The following OR4E1 variants were observed in gnomAD, a reference collection of about 807,000 sequenced individuals.
The protein encoded by OR4E1 is olfactory receptor family 4 subfamily E member 1.
intron 1 of OR4E1, among the ~76,000 whole-genome samples, chr14:21,672,409 C>T (rs1881003496): frequency 6.6e-6 from 1 of 152,204 alleles, no homozygotes; most frequent in South Asian, 2.1e-4. Flanking sequence ...CTTCAGTTAA[C>T]ACTTAAAAAT....
At chr14:21,671,940 A>C (rs1296877929) in intron 1 of OR4E1, among the ~76,000 whole-genome samples, 1 of 152,080 alleles carries the variant, frequency 6.6e-6, no homozygotes, top group Non-Finnish European at 1.5e-5. Context: ...CCAAGGTTAC[A>C]CGGAACTGGA....
In OR4E1 at chr14:21,670,133, C is replaced by A; in HGVS notation, c.803G>T (p.Ser268Ile). Reference protein sequence around the residue: ...CIFIYSRPSTSLPEDKVVSVF... With the variant: ...CIFIYSRPSTILPEDKVVSVF... ...AGATACTACCTTGTCCTCTGGGAGGCTGGTGGATGGGCGGGAATAGATGAA... is the reference window on the plus strand; with the variant it reads ...AGATACTACCTTGTCCTCTGGGAGGATGGTGGATGGGCGGGAATAGATGAA... Residue 268 changes from serine to isoleucine, a missense_variant, in exon 2 of 2, where the codon AGC (serine) becomes ATC (isoleucine). By Grantham distance (142) the Ser-to-Ile change is moderately radical. Coordinates refer to ENST00000641792, the MANE Select transcript of OR4E1 (RefSeq NM_001317107.2). 1 of 398,740 alleles carries A rather than the reference C, an allele frequency of 2.5e-6. No individual in the cohort carries two copies. The highest frequency in any genetic ancestry group is 4.4e-6 in the Non-Finnish European group (1 of 226,288). 24.7% of individuals were successfully genotyped at this position (398,740 alleles called of 1,614,324 possible).
intron 1 of OR4E1, among the ~76,000 whole-genome samples, chr14:21,671,931 C>T (rs751568583): frequency 1.3e-5 from 2 of 151,918 alleles, no homozygotes; most frequent in Non-Finnish European, 2.9e-5. Context: ...TCAACTGGTC[C>T]AAGGTTACAC....
chr14:21,669,726 C>T lies in OR4E1; in HGVS notation c.*262G>A, dbSNP rs1010209338. ...CTTTGGGCATGTTATTTACTCTCCT[C>T]GAGCTTTAGTTTCTTCATGTACAAA... On this transcript the variant is annotated 3_prime_UTR_variant, in exon 2 of 2. Coordinates refer to ENST00000641792, the MANE Select transcript of OR4E1 (RefSeq NM_001317107.2). The T allele has an allele frequency of 4.3e-6, 1 of 230,488 alleles. No homozygotes were observed. 14.3% of individuals were successfully genotyped at this position (230,488 alleles called of 1,614,324 possible).
rs12897485 is a variant in OR4E1, at chr14:21,668,597, T to C, written c.*1391A>G. 0.31 allele frequency: 46,969 copies of C among 151,898 alleles called. 7,904 individuals carry two copies. The highest frequency in any genetic ancestry group is 0.39 in the African/African-American group (16,205 of 41,384). 9.4% of individuals were successfully genotyped at this position (151,898 alleles called of 1,614,324 possible). On this transcript the variant is annotated 3_prime_UTR_variant, in exon 2 of 2. Coordinates refer to ENST00000641792, the MANE Select transcript of OR4E1 (RefSeq NM_001317107.2). ...GATATCCTCTTCATATCCCAGTTGA[T>C]TCACCACATTCCATTCTGCTACACT...
chr14:21,670,550 G>A lies in OR4E1; in HGVS notation c.386C>T (p.Ala129Val), dbSNP rs908729552. The A allele has an allele frequency of 1.7e-5, 7 of 400,902 alleles. No homozygotes were observed. The East Asian group carries it at 2.5e-4, about 14-fold the overall frequency. The allele number at this position is 400,902 out of a possible 1,614,324, so 24.8% of individuals were successfully genotyped here. A position where few individuals can be genotyped will look rare whatever the true frequency, so the allele number is the denominator to read the frequency against. ...LTVMAYDRYV[A>V]ICKPLQYMIV... ...CATGTACTGCAGGGGTTTACAGATG[G>A]CCACATACCGATCATAGGCCATGAC... The change falls in exon 2 of 2, where the codon GCC (alanine) becomes GTC (valine). Residue 129 changes from alanine (A) to valine (V), a missense_variant. Coordinates refer to ENST00000641792, the MANE Select transcript of OR4E1 (RefSeq NM_001317107.2).
chr14:21,671,088 A>C (rs1880920144), intron 1 of OR4E1, 136 bp from the exon 2 acceptor site: 4 of 396,116 alleles, frequency 1.0e-5, no homozygotes, highest in Admixed American at 8.8e-5. Context: ...TCTTTTAAAA[A>C]TCCCCATTAA....
chr14:21,671,194 T>C (rs1288398038), intron 1 of OR4E1, among the ~76,000 whole-genome samples: 2 of 152,250 alleles, frequency 1.3e-5, no homozygotes, highest in East Asian at 3.9e-4. Flanking sequence ...TATAAAACAA[T>C]CTTGAAGAGG....
chr14:21,669,036 T>G lies in OR4E1; in HGVS notation c.*952A>C, dbSNP rs1880787154. ...GAACAAGCCAAGGTCTTTCCCAGCA[T>G]AGATCTTTGCACCGGCCATTTCCCC... is the stretch of plus-strand genomic sequence containing the variant. On this transcript the variant is annotated 3_prime_UTR_variant, in exon 2 of 2. Transcript: ENST00000641792. 1 of 152,216 alleles carries G rather than the reference T, an allele frequency of 6.6e-6. No individual in the cohort carries two copies. Among genetic ancestry groups the G allele is most frequent in the Admixed American group, 6.5e-5 (1 of 15,280 alleles). The allele number at this position is 152,216 out of a possible 1,614,324, so 9.4% of individuals were successfully genotyped here. A position where few individuals can be genotyped will look rare whatever the true frequency, so the allele number is the denominator to read the frequency against.
rs3035516 is a variant in OR4E1, at chr14:21,670,348, G to GGT, written c.586_587dup (p.His197ProfsTer14). On this transcript the variant is annotated frameshift_variant, in exon 2 of 2. Transcript: ENST00000641792. LOFTEE classifies it low-confidence loss of function (END_TRUNC). ...AGACAATGAGGATCTCAATGACGTG[G>GGT]GTGTCAATGCAGGCCAGCTTGATCA... 78,772 of 378,696 alleles carry GGT rather than the reference G, an allele frequency of 0.21. 9,547 individuals carry two copies. The highest frequency in any genetic ancestry group is 0.47 in the East Asian group (13,004 of 27,612). 23.5% of individuals were successfully genotyped at this position (378,696 alleles called of 1,614,324 possible).
chr14:21,671,180 G>A (rs901227081), intron 1 of OR4E1, among the ~76,000 whole-genome samples: 4 of 152,114 alleles, frequency 2.6e-5, no homozygotes, highest in African/African-American at 9.7e-5. Flanking sequence ...CATTCATTAA[G>A]AGATATAAAA....
In OR4E1 at chr14:21,673,278, T is replaced by C. The variant is rs548533080; in HGVS notation, c.-206A>G. 1 of 152,270 alleles carries C rather than the reference T, an allele frequency of 6.6e-6. No homozygotes were observed. The highest frequency in any genetic ancestry group is 2.4e-5 in the African/African-American group (1 of 41,548). 9.4% of individuals were successfully genotyped at this position (152,270 alleles called of 1,614,324 possible). ...TCATATTTTTCAATATGTCAAAATA[T>C]GTAATTCTGCACCAAGATTTTCTAG... On this transcript the variant is annotated 5_prime_UTR_variant, in exon 1 of 2. Coordinates refer to ENST00000641792, the MANE Select transcript of OR4E1 (RefSeq NM_001317107.2).
rs1880780381 is a variant in OR4E1, at chr14:21,668,915, A to C, written c.*1073T>G. 6.6e-6 allele frequency: 1 copy of C among 152,186 alleles called. No homozygotes were observed. Among genetic ancestry groups the C allele is most frequent in the Non-Finnish European group, 1.5e-5 (1 of 68,028 alleles). The allele number at this position is 152,186 out of a possible 1,614,324, so 9.4% of individuals were successfully genotyped here. A position where few individuals can be genotyped will look rare whatever the true frequency, so the allele number is the denominator to read the frequency against. ...GAAAAGATTCTAAACTTCTTGAGAG[A>C]ATATGGAAAGATTCTTTTTAGCTCT... On this transcript the variant is annotated 3_prime_UTR_variant, in exon 2 of 2. Transcript: ENST00000641792.
In OR4E1 at chr14:21,670,790, A is replaced by G. The variant is rs1880899637; in HGVS notation, c.146T>C (p.Ile49Thr). The G allele has an allele frequency of 5.0e-6, 2 of 400,028 alleles. No homozygotes were observed. Among genetic ancestry groups the G allele is most frequent in the Non-Finnish European group, 8.8e-6 (2 of 226,134 alleles). 24.8% of individuals were successfully genotyped at this position (400,028 alleles called of 1,614,324 possible). A position where few individuals can be genotyped will look rare whatever the true frequency, so the allele number is the denominator to read the frequency against. Residue 49 changes from isoleucine to threonine, a missense_variant, in exon 2 of 2, where the codon ATT (isoleucine) becomes ACT (threonine). Coordinates refer to ENST00000641792, the MANE Select transcript of OR4E1 (RefSeq NM_001317107.2). ...GTGGTCATAGATAATAGTTATGACA[A>G]TGAGAACATTCCCAATCAGTGTCAG... ...YVLTLIGNVL[I>T]VITIIYDHRL...
In OR4E1 at chr14:21,670,341, T is replaced by G. The variant is rs10143044; in HGVS notation, c.595A>C (p.Ile199Leu). The change falls in exon 2 of 2, where the codon ATT (isoleucine) becomes CTT (leucine). Residue 199 changes from isoleucine to leucine, a missense_variant. Ile to Leu is a conservative substitution (Grantham distance 5, BLOSUM62 2). Transcript: ENST00000641792. ...CTGTTGGAGACAATGAGGATCTCAA[T>G]GACGTGGGTGTCAATGCAGGCCAGC... ...IKLACIDTHV[I>L]EILIVSNSGL... The G allele has an allele frequency of 0.5, 199,825 of 398,296 alleles. 50,662 individuals are homozygous for G. The highest frequency in any genetic ancestry group is 0.69 in the South Asian group (5,410 of 7,790). 24.7% of individuals were successfully genotyped at this position (398,296 alleles called of 1,614,324 possible).
At position 21,673,617 on chromosome 14, in the gene OR4E1, A is replaced by G. The variant is rs2138562056; in HGVS notation, c.-545T>C. On this transcript the variant is annotated 5_prime_UTR_variant, in exon 1 of 2. Coordinates refer to ENST00000641792, the MANE Select transcript of OR4E1 (RefSeq NM_001317107.2). ...CCCTGTCCAAAAAAAAAAAAAAAAAAAAAGAGTCAGCCACTTTTGCAGGCC... is the reference window on the plus strand; with the variant it reads ...CCCTGTCCAAAAAAAAAAAAAAAAAGAAAGAGTCAGCCACTTTTGCAGGCC... The G allele has an allele frequency of 1.3e-5, 2 of 151,860 alleles. No homozygotes were observed. Among genetic ancestry groups the G allele is most frequent in the East Asian group, 3.9e-4 (2 of 5,172 alleles). 9.4% of individuals were successfully genotyped at this position (151,860 alleles called of 1,614,324 possible).
rs1880866684 is a variant in OR4E1, at chr14:21,670,318, G to C, written c.618C>G (p.Asn206Lys). The change falls in exon 2 of 2, where the codon AAC (asparagine) becomes AAG (lysine). Residue 206 changes from asparagine to lysine, a missense_variant. Coordinates refer to ENST00000641792, the MANE Select transcript of OR4E1 (RefSeq NM_001317107.2). Reference sequence around the variant, plus strand: ...AACAGACCACGGAGATCAATCCACTGTTGGAGACAATGAGGATCTCAATGA... The same window carrying C: ...AACAGACCACGGAGATCAATCCACTCTTGGAGACAATGAGGATCTCAATGA... Reference protein sequence around the residue: ...THVIEILIVSNSGLISVVCFV... With the variant: ...THVIEILIVSKSGLISVVCFV... 2.5e-6 allele frequency: 1 copy of C among 397,610 alleles called. No homozygotes were observed. The highest frequency in any genetic ancestry group is 4.5e-5 in the Admixed American group (1 of 22,240). 24.6% of individuals were successfully genotyped at this position (397,610 alleles called of 1,614,324 possible).
chr14:21,668,919 T>C lies in OR4E1; in HGVS notation c.*1069A>G, dbSNP rs1489176262. On this transcript the variant is annotated 3_prime_UTR_variant, in exon 2 of 2. Coordinates refer to ENST00000641792, the MANE Select transcript of OR4E1 (RefSeq NM_001317107.2). ...AGATTCTAAACTTCTTGAGAGAATATGGAAAGATTCTTTTTAGCTCTCTGA... is the reference window on the plus strand; with the variant it reads ...AGATTCTAAACTTCTTGAGAGAATACGGAAAGATTCTTTTTAGCTCTCTGA... The C allele has an allele frequency of 3.3e-5, 5 of 152,246 alleles. No homozygotes were observed. Among genetic ancestry groups the C allele is most frequent in the South Asian group, 2.1e-4 (1 of 4,826 alleles). 9.4% of individuals were successfully genotyped at this position (152,246 alleles called of 1,614,324 possible). A position where few individuals can be genotyped will look rare whatever the true frequency, so the allele number is the denominator to read the frequency against.
chr14:21,668,710 G>A lies in OR4E1; in HGVS notation c.*1278C>T, dbSNP rs375299250. On this transcript the variant is annotated 3_prime_UTR_variant, in exon 2 of 2. Transcript: ENST00000641792. Reference sequence around the variant, plus strand: ...TTTTCTACCAAGTTTCTACCAAGTTGTTTTCTAAGTATTTATGACTAAGTA... The same window carrying A: ...TTTTCTACCAAGTTTCTACCAAGTTATTTTCTAAGTATTTATGACTAAGTA... 4 of 152,116 alleles carry A rather than the reference G, an allele frequency of 2.6e-5. No homozygotes were observed. The highest frequency in any genetic ancestry group is 3.9e-4 in the East Asian group (2 of 5,192). 9.4% of individuals were successfully genotyped at this position (152,116 alleles called of 1,614,324 possible). A position where few individuals can be genotyped will look rare whatever the true frequency, so the allele number is the denominator to read the frequency against.
Sources: gnomAD v4.1 joint callset for allele counts (sites outside exome capture counted in the v4.1 genomes callset) on GRCh38, gnomAD v4.1.1 for gene constraint, MANE v1.5 for transcripts, NCBI Gene and HGNC (gene_info 2026-07-23, HGNC 2026-07-21) for gene names.